EAF2: variants seen among roughly 807,000 people sequenced by gnomAD.
EAF2 encodes ELL associated factor 2, also known as ELL-associated factor 2.
In EAF2, 29 loss-of-function variants were observed where a neutral mutation model predicts 29.4. The ratio of observed to expected loss-of-function variants is 0.99; its 90% confidence interval spans 0.73 to 1.35. The LOEUF is 1.35. EAF2 is among the 40% of genes most tolerant of loss of function. The pLI, the probability that EAF2 is intolerant of heterozygous loss-of-function variation, is 0.00. For missense variants in EAF2, 292 were observed against 312.0 expected (o/e 0.94, Z 0.48); for synonymous variants, 103 against 102.5 (o/e 1.00, Z -0.03).
intron 4 of EAF2, among the ~76,000 whole-genome samples, chr3:121,866,820 A>G (rs888335744): frequency 6.6e-6 from 1 of 152,196 alleles, no homozygotes; most frequent in Non-Finnish European, 1.5e-5. Context: ...TGAATGAGAA[A>G]AGACAATCAA....
In EAF2 at chr3:121,847,637, T is replaced by C. The variant is rs531360813; in HGVS notation, c.201+3090T>C. On this transcript the variant is annotated intron_variant, in intron 2 of 5. Coordinates refer to ENST00000273668, the MANE Select transcript of EAF2 (RefSeq NM_018456.6). ...CATTTAAACAGTGAAAATGAAAGAG[T>C]TGGGGAGAGGGGGGGAGGAAGTATG... is the stretch of plus-strand genomic sequence containing the variant. Among the ~76,000 whole-genome samples, 78 of 151,720 alleles carry C rather than the reference T, an allele frequency of 5.1e-4. 1 individual carries two copies. In the South Asian group the frequency reaches 0.015, roughly 30 times the overall value.
At chr3:121,848,804 T>C (rs1708577912) in intron 2 of EAF2, among the ~76,000 whole-genome samples, 1 of 152,192 alleles carries the variant, frequency 6.6e-6, no homozygotes, top group Non-Finnish European at 1.5e-5. Flanking sequence ...AATGACTTTG[T>C]TCTTTGCTTC....
chr3:121,844,390 C>G, intron 1 of EAF2, 63 bp from the exon 2 acceptor site: 1 of 1,004,866 alleles, frequency 1.0e-6, no homozygotes, highest in Non-Finnish European at 1.5e-6. Flanking sequence ...GAAACATGCT[C>G]ATAATTTTTA....
chr3:121,840,893 T>A (rs1234281764), intron 1 of EAF2, among the ~76,000 whole-genome samples: 1 of 150,394 alleles, frequency 6.6e-6, no homozygotes. Context: ...GCTACAGGAA[T>A]GGAGAAGAAA....
At chr3:121,848,240 G>A (rs1276932789) in intron 2 of EAF2, among the ~76,000 whole-genome samples, 4 of 152,118 alleles carry the variant, frequency 2.6e-5, no homozygotes, top group Admixed American at 2.6e-4. Flanking sequence ...GCAGCAGAGG[G>A]GCAGAAGGAA....
chr3:121,859,703 A>G (rs571883031), intron 4 of EAF2, among the ~76,000 whole-genome samples: 17 of 152,222 alleles, frequency 1.1e-4, no homozygotes, highest in African/African-American at 2.9e-4. Context: ...GCTCCCCAAC[A>G]CTATGTTGAA....
At chr3:121,840,361 C>G (rs569966832) in intron 1 of EAF2, among the ~76,000 whole-genome samples, 1 of 150,512 alleles carries the variant, frequency 6.6e-6, no homozygotes, top group African/African-American at 2.4e-5. Flanking sequence ...TGTGGTGGCG[C>G]GTGCCTGTAA....
intron 2 of EAF2, among the ~76,000 whole-genome samples, chr3:121,845,486 A>AAATGATT (rs1003140769): frequency 6.6e-6 from 1 of 151,162 alleles, no homozygotes; most frequent in Non-Finnish European, 1.5e-5. Context: ...AGAAAAAGAA[A>AAATGATT]AATGATTGAT....
In EAF2 at chr3:121,878,070, T is replaced by C. The variant is rs180749006; in HGVS notation, c.736+5282T>C. ...CTTAAAGCAGAGAAAGAAAATAATA[T>C]GGATGAATAGAAGTTAATGTAATAG... On this transcript the variant is annotated intron_variant, in intron 5 of 5. Transcript: ENST00000273668. Among the ~76,000 whole-genome samples, 53 of 152,184 alleles carry C rather than the reference T, an allele frequency of 3.5e-4. 1 individual carries two copies. The East Asian group carries it at 9.6e-3, about 28-fold the overall frequency.
At chr3:121,847,845 CT>C (rs1232643220) in intron 2 of EAF2, among the ~76,000 whole-genome samples, 1 of 152,220 alleles carries the variant, frequency 6.6e-6, no homozygotes, top group East Asian at 1.9e-4. Flanking sequence ...GAAGGCCTGT[CT>C]TCTGGGGGTG....
At position 121,847,648 on chromosome 3, in the gene EAF2, G is replaced by A. The variant is rs116120349; in HGVS notation, c.201+3101G>A. On this transcript the variant is annotated intron_variant, in intron 2 of 5. Coordinates refer to ENST00000273668, the MANE Select transcript of EAF2 (RefSeq NM_018456.6). ...TGAAAATGAAAGAGTTGGGGAGAGG[G>A]GGGGAGGAAGTATGCAAGGAGAAGG... Among the ~76,000 whole-genome samples the A allele has an allele frequency of 7.2e-5, 11 of 152,178 alleles. No individual in the cohort carries two copies. The East Asian group carries it at 7.7e-4, about 11-fold the overall frequency.
At chr3:121,842,181 C>T (rs1708447174) in intron 1 of EAF2, among the ~76,000 whole-genome samples, 1 of 151,990 alleles carries the variant, frequency 6.6e-6, no homozygotes, top group Non-Finnish European at 1.5e-5. Context: ...GAGACCCTGT[C>T]TCAAAAAATA....
At chr3:121,851,378 C>T (rs1708629409) in intron 2 of EAF2, among the ~76,000 whole-genome samples, 2 of 151,954 alleles carry the variant, frequency 1.3e-5, no homozygotes, top group Non-Finnish European at 2.9e-5. Context: ...ACAGGTTGTC[C>T]CCATGTTGCC....
At chr3:121,881,506 G>GTAT (rs1397468204) in intron 5 of EAF2, among the ~76,000 whole-genome samples, 2 of 151,668 alleles carry the variant, frequency 1.3e-5, no homozygotes, top group Admixed American at 6.6e-5. Flanking sequence ...TAAAAAATTA[G>GTAT]TATTATTATT....
intron 4 of EAF2, among the ~76,000 whole-genome samples, chr3:121,870,725 CAA>C (rs1708996977): frequency 6.6e-6 from 1 of 151,920 alleles, no homozygotes; most frequent in Non-Finnish European, 1.5e-5. Flanking sequence ...AAAAGACAAA[CAA>C]ATATAAAAAT....
intron 5 of EAF2, among the ~76,000 whole-genome samples, chr3:121,877,610 A>G (rs1255321435): frequency 1.3e-5 from 2 of 151,334 alleles, no homozygotes; most frequent in East Asian, 3.9e-4. Flanking sequence ...TTACATGTTA[A>G]AAGGCAACTA....
chr3:121,878,689 T>C (rs1229852906), intron 5 of EAF2, among the ~76,000 whole-genome samples: 3 of 152,144 alleles, frequency 2.0e-5, no homozygotes, highest in Admixed American at 6.5e-5. Context: ...TCACTTAACA[T>C]AATGACTTCC....
intron 5 of EAF2, among the ~76,000 whole-genome samples, chr3:121,878,051 G>A (rs1459897555): frequency 6.6e-6 from 1 of 152,054 alleles, no homozygotes; most frequent in Non-Finnish European, 1.5e-5. Flanking sequence ...ACATCTTAAA[G>A]CAGAGAAAGA....
At chr3:121,867,814 G>A (rs1416740483) in intron 4 of EAF2, among the ~76,000 whole-genome samples, 1 of 152,156 alleles carries the variant, frequency 6.6e-6, no homozygotes, top group African/African-American at 2.4e-5. Flanking sequence ...AATACCTTCT[G>A]ATTCCCAAAA....
Sources: allele counts gnomAD v4.1 joint callset (sites outside exome capture counted in the v4.1 genomes callset), GRCh38; gene constraint gnomAD v4.1.1; transcripts MANE v1.5; gene names NCBI Gene and HGNC (gene_info 2026-07-23, HGNC 2026-07-21).